GRM5: variants seen among roughly 807,000 people sequenced by gnomAD.
GRM5 encodes the protein glutamate metabotropic receptor 5.
A neutral mutation model predicts 83.1 loss-of-function variants in GRM5; 19 were observed. The observed-to-expected ratio is 0.23, with a 90% CI of 0.16 to 0.34. The LOEUF is 0.34. Among genes scored for constraint, GRM5 ranks in the 10% least tolerant of loss-of-function variants. GRM5 has a pLI of 1.00. For missense variants in GRM5, 1,160 were observed against 1,588.3 expected (o/e 0.73, Z 4.58); for synonymous variants, 675 against 633.6 (o/e 1.07, Z -0.98).
chr11:88,699,862 G>A (rs77187816), intron 3 of GRM5, among the ~76,000 whole-genome samples: 1,810 of 152,282 alleles, frequency 0.012, 27 homozygotes, highest in African/African-American at 0.039. Flanking sequence ...ATGACTCGAT[G>A]TCAGAGGAGA....
intron 8 of GRM5, among the ~76,000 whole-genome samples, chr11:88,531,136 G>A (rs150027550): frequency 6.6e-6 from 1 of 152,210 alleles, no homozygotes; most frequent in African/African-American, 2.4e-5. Context: ...GTATGTAAGG[G>A]TGTGATATAT....
chr11:88,770,876 G>A (rs555492803), intron 3 of GRM5, among the ~76,000 whole-genome samples: 2 of 152,064 alleles, frequency 1.3e-5, no homozygotes, highest in East Asian at 3.9e-4. Flanking sequence ...AATAACAAAG[G>A]GGCATTTGTC....
At chr11:88,901,328 T>C (rs1045491265) in intron 2 of GRM5, among the ~76,000 whole-genome samples, 2 of 152,160 alleles carry the variant, frequency 1.3e-5, no homozygotes, top group African/African-American at 4.8e-5. Flanking sequence ...CTCACAACAA[T>C]CCTATAAAGT....
In GRM5 at chr11:89,047,451, T is replaced by C. The variant is rs1295196167; in HGVS notation, c.422A>G (p.Lys141Arg). ...DGSSSSFRSKKPIVGVIGPGS... is the reference protein window; with the variant it reads ...DGSSSSFRSKRPIVGVIGPGS... ...AGGCCCAATGACCCCTACTATGGGC[T>C]TCTTGGAGCGGAAGGAAGAGGAGGA... is the stretch of plus-strand genomic sequence containing the variant. Residue 141 changes from lysine to arginine, a missense_variant, in exon 2 of 10, where the codon AAG (lysine) becomes AGG (arginine). Coordinates refer to ENST00000305447, the MANE Select transcript of GRM5 (RefSeq NM_001143831.3). This position sits in a 1 kb window ranked among gnomAD's most constrained non-coding sequence, Gnocchi z 5.1. 1 of 1,614,156 alleles carries C rather than the reference T, an allele frequency of 6.2e-7. No homozygotes were observed. Among genetic ancestry groups the C allele is most frequent in the Non-Finnish European group, 8.5e-7 (1 of 1,180,002 alleles).
At chr11:88,745,512 T>A (rs1942118822) in intron 3 of GRM5, among the ~76,000 whole-genome samples, 1 of 152,132 alleles carries the variant, frequency 6.6e-6, no homozygotes, top group African/African-American at 2.4e-5. Context: ...AGCCTGATAC[T>A]CTTTACTCTT....
At position 88,812,485 on chromosome 11, in the gene GRM5, A is replaced by T. The variant is rs530943398; in HGVS notation, c.911+37421T>A. Among the ~76,000 whole-genome samples the T allele has an allele frequency of 1.1e-4, 16 of 152,312 alleles. No individual in the cohort carries two copies. The South Asian group carries it at 3.3e-3, about 32-fold the overall frequency. On this transcript the variant is annotated intron_variant, in intron 3 of 9. Coordinates refer to ENST00000305447, the MANE Select transcript of GRM5 (RefSeq NM_001143831.3). ...TAGGATTGCCCAAGAAATGGAAGAGATGGTTCTGAACCAGGTCTTTTGACT... is the reference window on the plus strand; with the variant it reads ...TAGGATTGCCCAAGAAATGGAAGAGTTGGTTCTGAACCAGGTCTTTTGACT...
intron 2 of GRM5, among the ~76,000 whole-genome samples, chr11:88,968,775 C>T (rs1939073238): frequency 6.6e-6 from 1 of 150,948 alleles, no homozygotes. Flanking sequence ...TTGAAAATAC[C>T]CTAAAAAGCC....
At chr11:88,968,310 G>A (rs72954977) in intron 2 of GRM5, among the ~76,000 whole-genome samples, 9 of 152,204 alleles carry the variant, frequency 5.9e-5, no homozygotes, top group African/African-American at 1.9e-4. Flanking sequence ...TTTCATTTAC[G>A]TGAAATGTAC....
chr11:88,812,417 A>G (rs1943603616), intron 3 of GRM5, among the ~76,000 whole-genome samples: 1 of 152,202 alleles, frequency 6.6e-6, no homozygotes, highest in African/African-American at 2.4e-5. Context: ...CATTTATCAT[A>G]GAGATAAAGC....
intron 3 of GRM5, among the ~76,000 whole-genome samples, chr11:88,731,189 G>T (rs923549685): frequency 1.3e-5 from 2 of 151,916 alleles, no homozygotes; most frequent in Non-Finnish European, 2.9e-5. Context: ...TATGGACAAG[G>T]TTTTCATGAC....
intron 3 of GRM5, among the ~76,000 whole-genome samples, chr11:88,676,233 C>T (rs550646102): frequency 6.6e-6 from 1 of 152,090 alleles, no homozygotes; most frequent in African/African-American, 2.4e-5. Context: ...ATTGGAGCCC[C>T]ACTCTCAGCA....
intron 9 of GRM5, among the ~76,000 whole-genome samples, chr11:88,517,216 T>G (rs1223593282): frequency 6.6e-6 from 1 of 152,074 alleles, no homozygotes; most frequent in African/African-American, 2.4e-5. Context: ...TCTGTGCATA[T>G]GTGTTGTCAT....
At chr11:88,842,103 A>G (rs145617677) in intron 3 of GRM5, among the ~76,000 whole-genome samples, 2 of 152,178 alleles carry the variant, frequency 1.3e-5, no homozygotes, top group Admixed American at 1.3e-4. Context: ...GTTTTGATAA[A>G]TTTTAACTTC....
intron 2 of GRM5, among the ~76,000 whole-genome samples, chr11:89,004,758 A>G (rs184053433): frequency 2.8e-4 from 43 of 152,310 alleles, no homozygotes; most frequent in African/African-American, 9.9e-4. Context: ...TTTCTGAGGA[A>G]GTCATTTGCA....
chr11:88,900,178 C>T (rs1407870584), intron 2 of GRM5, among the ~76,000 whole-genome samples: 1 of 152,094 alleles, frequency 6.6e-6, no homozygotes, highest in Non-Finnish European at 1.5e-5. Context: ...TGCAGAACTA[C>T]ACAGACTAGA....
chr11:88,771,389 A>G (rs1942733373), intron 3 of GRM5, among the ~76,000 whole-genome samples: 1 of 152,148 alleles, frequency 6.6e-6, no homozygotes, highest in African/African-American at 2.4e-5. Flanking sequence ...TGGAGCCTTC[A>G]TTCCACGGCT....
intron 7 of GRM5, among the ~76,000 whole-genome samples, chr11:88,578,032 A>G (rs1943148844): frequency 6.6e-6 from 1 of 152,100 alleles, no homozygotes; most frequent in African/African-American, 2.4e-5. Flanking sequence ...GTGACTCAAC[A>G]TCTGCTAAAG....
chr11:88,750,110 G>A (rs922798407), intron 3 of GRM5, among the ~76,000 whole-genome samples: 3 of 152,078 alleles, frequency 2.0e-5, no homozygotes, highest in Non-Finnish European at 2.9e-5. Context: ...ATGTAAATGG[G>A]CTAAATGACC....
chr11:88,859,517 C>G (rs1257750862), intron 2 of GRM5, among the ~76,000 whole-genome samples: 1 of 151,996 alleles, frequency 6.6e-6, no homozygotes, highest in Non-Finnish European at 1.5e-5. Context: ...TAAAACCAAC[C>G]AACCTAATGA....
Sources: allele counts gnomAD v4.1 joint callset (sites outside exome capture counted in the v4.1 genomes callset), GRCh38; gene constraint gnomAD v4.1.1; non-coding constraint Gnocchi (gnomAD v3.1); transcripts MANE v1.5; gene names NCBI Gene and HGNC (gene_info 2026-07-23, HGNC 2026-07-21).